CDH8: variants seen among roughly 807,000 people sequenced by gnomAD.
The protein encoded by CDH8 is cadherin-8.
Under a neutral mutation model 68.1 loss-of-function variants are expected in CDH8, and 17 were observed. The ratio of observed to expected loss-of-function variants is 0.25; its 90% CI spans 0.17 to 0.37. CDH8 has a LOEUF of 0.37. Ranked by LOEUF, CDH8 falls within the 10% of genes least tolerant of loss-of-function variation. CDH8 has a pLI of 1.00. For missense variants in CDH8, 763 were observed against 999.3 expected, an observed-to-expected ratio of 0.76 and a Z score of 3.19; for synonymous variants, 372 against 365.1, an observed-to-expected ratio of 1.02 and a Z score of -0.21.
At position 61,858,370 on chromosome 16, in the gene CDH8, T is replaced by C. The variant is rs561328008; in HGVS notation, c.548-1132A>G. 2.0e-5 allele frequency among the ~76,000 whole-genome samples: 3 copies of C among 152,264 alleles called. No individual in the cohort carries two copies. The East Asian group carries it at 5.8e-4, about 29-fold the overall frequency. ...AAAGGCAAAGTAGTGGGAGAGACTA[T>C]GGGAAGTTCTGGGAACTCCTGAAAA... On this transcript the variant is annotated intron_variant, in intron 3 of 11. Coordinates refer to ENST00000577390, the MANE Select transcript of CDH8 (RefSeq NM_001796.5).
At chr16:61,739,502 T>G (rs929819000) in intron 8 of CDH8, among the ~76,000 whole-genome samples, 1 of 151,610 alleles carries the variant, frequency 6.6e-6, no homozygotes, top group Non-Finnish European at 1.5e-5. Flanking sequence ...GGAAGAGATT[T>G]CAGGGTATAT....
chr16:61,743,037 T>C (rs1959918964), intron 8 of CDH8: 1 of 152,246 alleles, frequency 6.6e-6, no homozygotes, highest in Non-Finnish European at 1.5e-5. Context: ...TTAAAAGTTT[T>C]TGACATAAAT....
chr16:61,701,835 T>G, intron 10 of CDH8, among the ~76,000 whole-genome samples: 1 of 152,200 alleles, frequency 6.6e-6, no homozygotes, highest in East Asian at 1.9e-4. Context: ...CCATTGTTGT[T>G]GTCATTGCTA....
intron 4 of CDH8, among the ~76,000 whole-genome samples, chr16:61,848,233 T>C (rs1323689546): frequency 1.3e-5 from 2 of 152,092 alleles, no homozygotes; most frequent in African/African-American, 4.8e-5. Flanking sequence ...ACATTTTTTC[T>C]TTTGCTTCCA....
At chr16:61,997,363 G>C (rs1231229368) in intron 2 of CDH8, among the ~76,000 whole-genome samples, 4 of 152,042 alleles carry the variant, frequency 2.6e-5, no homozygotes, top group Non-Finnish European at 5.9e-5. Context: ...TGTTTATCTA[G>C]GCCCTTAAAG....
chr16:61,671,365 C>T (rs951189228), intron 10 of CDH8, among the ~76,000 whole-genome samples: 5 of 151,470 alleles, frequency 3.3e-5, no homozygotes, highest in African/African-American at 1.2e-4. Flanking sequence ...ACTGGGGAAG[C>T]TATTATGCTC....
At chr16:61,688,661 A>C (rs1964153198) in intron 10 of CDH8, among the ~76,000 whole-genome samples, 1 of 152,038 alleles carries the variant, frequency 6.6e-6, no homozygotes, top group South Asian at 2.1e-4. Flanking sequence ...ATGAAGATTC[A>C]AAGAGCTTAA....
At chr16:61,883,595 T>C (rs1205252323) in intron 3 of CDH8, among the ~76,000 whole-genome samples, 3 of 151,726 alleles carry the variant, frequency 2.0e-5, no homozygotes, top group Non-Finnish European at 4.4e-5. Context: ...TCAAAATTCA[T>C]ATGAATAAAA....
chr16:61,724,620 C>T (rs1413005703), intron 9 of CDH8, among the ~76,000 whole-genome samples: 5 of 150,618 alleles, frequency 3.3e-5, no homozygotes, highest in Non-Finnish European at 7.5e-5. Context: ...TTGAATGTCA[C>T]CTGCAGTTTT....
chr16:61,776,383 C>T (rs972059130), intron 8 of CDH8, among the ~76,000 whole-genome samples: 1 of 152,046 alleles, frequency 6.6e-6, no homozygotes, highest in Non-Finnish European at 1.5e-5. Context: ...AACTCAACAG[C>T]TTATGTCCTT....
At chr16:61,939,985 C>A (rs550826042) in intron 2 of CDH8, among the ~76,000 whole-genome samples, 19 of 152,172 alleles carry the variant, frequency 1.2e-4, no homozygotes, top group Non-Finnish European at 2.6e-4. Context: ...AAACCACTTC[C>A]AACACATCTC....
In CDH8 at chr16:61,857,174, C is replaced by G. The variant is rs1349859901; in HGVS notation, c.612G>C (p.Lys204Asn). 1.9e-6 allele frequency: 3 copies of G among 1,613,566 alleles called. No homozygotes were observed. The highest frequency in any genetic ancestry group is 2.5e-6 in the Non-Finnish European group (3 of 1,179,608). The change falls in exon 4 of 12, where the codon AAG becomes AAC. Residue 204 changes from lysine (K) to asparagine (N), a missense_variant. Lys to Asn is a moderately conservative substitution (Grantham distance 94). This residue lies in a region of CDH8 where 366 missense variants were observed against 563.1 expected (regional missense o/e 0.65). Transcript: ENST00000577390. The stretch of plus-strand genomic sequence containing the variant: ...GCCCTTCCAATATACTATAAACCAA[C>G]TTTGCACTGTTTCCATAAACTGGGT... ...ADDPVYGNSA[K>N]LVYSILEGQP...
At chr16:61,820,160 C>G (rs893223448) in intron 6 of CDH8, among the ~76,000 whole-genome samples, 2 of 151,748 alleles carry the variant, frequency 1.3e-5, no homozygotes, top group East Asian at 3.9e-4. Flanking sequence ...ATGGTACCTC[C>G]CTATCCAGAA....
At chr16:61,977,501 A>T (rs1965456729) in intron 2 of CDH8, among the ~76,000 whole-genome samples, 1 of 152,172 alleles carries the variant, frequency 6.6e-6, no homozygotes, top group Admixed American at 6.6e-5. Flanking sequence ...ATAAATTCTT[A>T]TCTATAAAAG....
At chr16:61,783,921 G>A (rs1296385042) in intron 8 of CDH8, among the ~76,000 whole-genome samples, 1 of 152,078 alleles carries the variant, frequency 6.6e-6, no homozygotes, top group African/African-American at 2.4e-5. Context: ...TGCCCTATAA[G>A]AGCTCCTGAA....
intron 8 of CDH8, chr16:61,743,174 C>T (rs1483626554): frequency 6.6e-6 from 1 of 152,094 alleles, no homozygotes; most frequent in Non-Finnish European, 1.5e-5. Context: ...TGCCACACGT[C>T]ACACCTCATT....
intron 6 of CDH8, among the ~76,000 whole-genome samples, chr16:61,819,487 C>T (rs1275230858): frequency 6.6e-6 from 1 of 152,038 alleles, no homozygotes; most frequent in African/African-American, 2.4e-5. Context: ...TTGTACTCTA[C>T]TTTATTTCAA....
intron 9 of CDH8, among the ~76,000 whole-genome samples, chr16:61,724,410 T>C (rs1438446668): frequency 2.7e-5 from 4 of 150,814 alleles, no homozygotes; most frequent in Non-Finnish European, 6.0e-5. Flanking sequence ...CTCATGTTGA[T>C]ACTCGTTTTC....
intron 2 of CDH8, among the ~76,000 whole-genome samples, chr16:62,008,083 T>C (rs556318606): frequency 2.4e-4 from 36 of 151,930 alleles, no homozygotes; most frequent in Admixed American, 3.9e-4. Flanking sequence ...CACAGGTGCA[T>C]GCCACCACAC....
Sources: gnomAD v4.1 joint callset for allele counts (sites outside exome capture counted in the v4.1 genomes callset) on GRCh38, gnomAD v4.1.1 for gene constraint, gnomAD v4.1.1 regional missense constraint, MANE v1.5 for transcripts, NCBI Gene and HGNC (gene_info 2026-07-23, HGNC 2026-07-21) for gene names.